The following PTPRM variants were observed in gnomAD, a reference collection of about 807,000 sequenced individuals.
PTPRM encodes the protein receptor-type tyrosine-protein phosphatase mu.
PTPRM carries 47 observed loss-of-function variants against 186.7 expected under a neutral mutation model. The ratio of observed to expected loss-of-function variants is 0.25; its 90% CI spans 0.20 to 0.32. The LOEUF is 0.32. Among genes scored for constraint, PTPRM ranks in the 10% least tolerant of loss-of-function variants. The pLI is 1.00. For missense variants in PTPRM, 1,494 were observed against 1,865.0 expected, an observed-to-expected ratio of 0.80 and a Z score of 3.66; for synonymous variants, 668 against 674.9, an observed-to-expected ratio of 0.99 and a Z score of 0.16.
intron 1 of PTPRM, among the ~76,000 whole-genome samples, chr18:7,772,982 C>A (rs536957107): frequency 6.6e-6 from 1 of 152,150 alleles, no homozygotes; most frequent in South Asian, 2.1e-4. Flanking sequence ...GAGAAAAGAT[C>A]TTATACTATA....
At chr18:8,384,817 A>G (rs1326853307) in intron 30 of PTPRM, 131 bp downstream of exon 30, 6 of 1,154,234 alleles carry the variant, frequency 5.2e-6, no homozygotes, top group South Asian at 1.5e-5. Context: ...CCAAAAAAAC[A>G]TAGATTCCTG....
At chr18:8,112,594 T>C (rs1247007835) in intron 11 of PTPRM, among the ~76,000 whole-genome samples, 3 of 152,212 alleles carry the variant, frequency 2.0e-5, no homozygotes, top group East Asian at 3.8e-4. Flanking sequence ...TTTCTCAGCA[T>C]GAGAAAGGTT....
intron 22 of PTPRM, among the ~76,000 whole-genome samples, chr18:8,335,098 T>C (rs2095431471): frequency 6.6e-6 from 1 of 152,220 alleles, no homozygotes; most frequent in Non-Finnish European, 1.5e-5. Flanking sequence ...GTATCTGTCA[T>C]GGTTGTCTTC....
At chr18:7,996,905 G>T (rs1463362296) in intron 7 of PTPRM, among the ~76,000 whole-genome samples, 1 of 151,160 alleles carries the variant, frequency 6.6e-6, no homozygotes, top group African/African-American at 2.4e-5. Flanking sequence ...AAAATGAAAA[G>T]ATATTACATG....
chr18:8,391,213 A>C (rs1456948268), intron 31 of PTPRM, among the ~76,000 whole-genome samples: 1 of 152,218 alleles, frequency 6.6e-6, no homozygotes, highest in African/African-American at 2.4e-5. Flanking sequence ...AGCATTTACC[A>C]AAGCTAAACA....
intron 19 of PTPRM, among the ~76,000 whole-genome samples, chr18:8,284,614 G>A (rs577753962): frequency 6.6e-6 from 1 of 152,178 alleles, no homozygotes; most frequent in Non-Finnish European, 1.5e-5. Flanking sequence ...GCTAGGTATA[G>A]TGGCACATGC....
intron 13 of PTPRM, chr18:8,122,436 G>A (rs1204534681): frequency 6.6e-6 from 1 of 152,248 alleles, no homozygotes. Context: ...TCAGACCCTT[G>A]GTACAGACCT....
At chr18:8,278,402 TAC>T (rs2094861673) in intron 19 of PTPRM, among the ~76,000 whole-genome samples, 1 of 152,132 alleles carries the variant, frequency 6.6e-6, no homozygotes, top group Non-Finnish European at 1.5e-5. Context: ...GTAGATCTGA[TAC>T]ACTGCCGTAC....
intron 2 of PTPRM, among the ~76,000 whole-genome samples, chr18:7,789,801 T>G (rs1317793317): frequency 1.3e-5 from 2 of 152,216 alleles, no homozygotes; most frequent in Admixed American, 1.3e-4. Flanking sequence ...CTATATTTTG[T>G]TCATATACGG....
chr18:8,273,097 A>G (rs556441901), intron 19 of PTPRM, among the ~76,000 whole-genome samples: 17 of 152,298 alleles, frequency 1.1e-4, no homozygotes, highest in African/African-American at 2.2e-4. Flanking sequence ...CATAAATAAC[A>G]TATAGCTAGA....
At chr18:7,823,604 A>G (rs959513854) in intron 2 of PTPRM, among the ~76,000 whole-genome samples, 1 of 152,168 alleles carries the variant, frequency 6.6e-6, no homozygotes, top group Admixed American at 6.5e-5. Context: ...TGAATAAAGC[A>G]GGCAAAAGAA....
chr18:7,894,413 C>T (rs958019752), intron 3 of PTPRM, among the ~76,000 whole-genome samples: 7 of 151,884 alleles, frequency 4.6e-5, no homozygotes, highest in Non-Finnish European at 7.4e-5. Context: ...GGTGAAACCC[C>T]GTCTCTACTA....
intron 11 of PTPRM, among the ~76,000 whole-genome samples, chr18:8,102,270 C>T (rs8083862): frequency 0.055 from 8,298 of 152,168 alleles, 265 homozygotes; most frequent in Middle Eastern, 0.2. Context: ...TGGCAATTTC[C>T]TAAAATAAGA....
intron 14 of PTPRM, among the ~76,000 whole-genome samples, chr18:8,235,473 T>G (rs58943064): frequency 5.3e-5 from 7 of 131,546 alleles, no homozygotes; most frequent in South Asian, 2.3e-4. Context: ...TTTTTTTTTT[T>G]TTTTTTAGCC....
chr18:7,689,387 T>C (rs1467743183), intron 1 of PTPRM, among the ~76,000 whole-genome samples: 2 of 152,216 alleles, frequency 1.3e-5, no homozygotes, highest in African/African-American at 2.4e-5. Context: ...GGAGCCACAG[T>C]AGCAATGCCC....
chr18:8,274,993 T>A (rs1276018298), intron 19 of PTPRM, among the ~76,000 whole-genome samples: 1 of 152,232 alleles, frequency 6.6e-6, no homozygotes. Context: ...AACATGTTTC[T>A]TCTGCAACCT....
intron 2 of PTPRM, among the ~76,000 whole-genome samples, chr18:7,805,724 G>A (rs1568155931): frequency 6.6e-6 from 1 of 152,128 alleles, no homozygotes; most frequent in Non-Finnish European, 1.5e-5. Context: ...ACAGAACTGA[G>A]TACTAATCTT....
intron 1 of PTPRM, among the ~76,000 whole-genome samples, chr18:7,572,642 T>C (rs12971095): frequency 0.071 from 10,776 of 152,280 alleles, 539 homozygotes; most frequent in Non-Finnish European, 0.11. Context: ...TAATGAGTTT[T>C]ATGCTTTTCA....
At chr18:8,027,699 C>A (rs189400254) in intron 7 of PTPRM, among the ~76,000 whole-genome samples, 178 of 152,210 alleles carry the variant, frequency 1.2e-3, no homozygotes, top group African/African-American at 4.0e-3. Flanking sequence ...AGCATAATTT[C>A]TGAATTAGTA....
Sources: gnomAD v4.1 joint callset for allele counts (sites outside exome capture counted in the v4.1 genomes callset) on GRCh38, gnomAD v4.1.1 for gene constraint, MANE v1.5 for transcripts, NCBI Gene and HGNC (gene_info 2026-07-23, HGNC 2026-07-21) for gene names.